The following HIVEP1 variants were observed in gnomAD, a reference collection of about 807,000 sequenced individuals.
The protein encoded by HIVEP1 is zinc finger protein 40.
A neutral mutation model predicts 180.0 loss-of-function variants in HIVEP1; 36 were observed. That is an observed-to-expected ratio of 0.20 (90% CI 0.15 to 0.26). The LOEUF (loss-of-function observed/expected upper bound fraction) is 0.26. HIVEP1 is among the 10% of genes least tolerant of loss of function. The pLI, the probability that HIVEP1 is intolerant of heterozygous loss-of-function variation, is 1.00. For synonymous variants in HIVEP1, 1,239 were observed against 1,239.0 expected, an observed-to-expected ratio of 1.00 and a Z score of 0.00; for missense variants, 3,143 against 3,268.7, an observed-to-expected ratio of 0.96 and a Z score of 0.94.
At chr6:12,171,447 G>C in the HIVEP1 span, among the ~76,000 whole-genome samples, 1 of 152,082 alleles carries the variant, frequency 6.6e-6, no homozygotes, top group Non-Finnish European at 1.5e-5. Flanking sequence ...CGGACTCCAG[G>C]CTTGAACAAG....
intron 2 of HIVEP1, among the ~76,000 whole-genome samples, chr6:12,074,346 C>A (rs1459229531): frequency 6.6e-6 from 1 of 152,014 alleles, no homozygotes; most frequent in East Asian, 1.9e-4. Flanking sequence ...AGATTATATA[C>A]CTACTTTTTA....
chr6:12,114,488 T>C (rs1242646971), intron 3 of HIVEP1, among the ~76,000 whole-genome samples: 1 of 152,134 alleles, frequency 6.6e-6, no homozygotes, highest in African/African-American at 2.4e-5. Context: ...CCCATCCTTC[T>C]CATGTCAGAC....
downstream of HIVEP1, among the ~76,000 whole-genome samples, chr6:12,168,270 ATATATACATATAT>A (rs1760800485): frequency 7.7e-6 from 1 of 130,536 alleles, no homozygotes; most frequent in Non-Finnish European, 1.5e-5. Flanking sequence ...GTATATATAC[ATATATACATATAT>A]TATATACATA....
chr6:12,078,619 AT>A (rs1772537600), intron 2 of HIVEP1, among the ~76,000 whole-genome samples: 2 of 129,580 alleles, frequency 1.5e-5, no homozygotes, highest in Admixed American at 8.3e-5. Context: ...AAAAAAAAAA[AT>A]ACATACATAT....
intron 2 of HIVEP1, among the ~76,000 whole-genome samples, chr6:12,033,924 A>G (rs965431927): frequency 2.2e-4 from 33 of 152,340 alleles, no homozygotes; most frequent in African/African-American, 7.9e-4. Flanking sequence ...TTAGACATAC[A>G]GGAAATCAGG....
rs752541780 is a variant in HIVEP1, at chr6:12,163,584, C to T, written c.7280C>T (p.Thr2427Met). The T allele has an allele frequency of 5.0e-6, 8 of 1,614,174 alleles. No homozygotes were observed. The highest frequency in any genetic ancestry group is 1.7e-5 in the Admixed American group (1 of 60,018). The change falls in exon 9 of 9, where the codon ACG (threonine) becomes ATG (methionine). Residue 2427 changes from threonine (T) to methionine (M), a missense_variant. Around this residue, in one of 12 missense-constraint regions of HIVEP1, gnomAD observed 595 missense variants for 602.2 expected, o/e 0.99. Coordinates refer to ENST00000379388, the MANE Select transcript of HIVEP1 (RefSeq NM_002114.4). ...VPLQAGPVQL[T>M]IPAVSVVHRT... ...CTTCAGGCTGGACCAGTGCAGCTCA[C>T]GATCCCTGCTGTCAGTGTCGTTCAC...
At chr6:12,153,491 T>C (rs1759826418) in intron 7 of HIVEP1, among the ~76,000 whole-genome samples, 1 of 148,982 alleles carries the variant, frequency 6.7e-6, no homozygotes, top group African/African-American at 2.5e-5. Context: ...AGAATGATGC[T>C]AACTTAGGAT....
In HIVEP1 at chr6:12,089,240, A is replaced by G. The variant is rs1174247465; in HGVS notation, c.94+3A>G. 2 of 1,539,758 alleles carry G rather than the reference A, an allele frequency of 1.3e-6. No individual in the cohort carries two copies. The highest frequency in any genetic ancestry group is 1.8e-6 in the Non-Finnish European group (2 of 1,116,200). On this transcript the variant is annotated splice_donor_region_variant and intron_variant, in intron 3 of 8. Transcript: ENST00000379388. ...TGGGGCAGAAGTTTCAAAAAAAGGT[A>G]AATTAAAATCAGCTTGAATGTAAAC...
intron 2 of HIVEP1, among the ~76,000 whole-genome samples, chr6:12,066,571 C>A (rs1771603842): frequency 6.6e-6 from 1 of 152,132 alleles, no homozygotes; most frequent in Non-Finnish European, 1.5e-5. Flanking sequence ...TTGGACTTAG[C>A]CAAGTACTTC....
At chr6:12,132,857 C>A (rs895142244) in intron 6 of HIVEP1, among the ~76,000 whole-genome samples, 6 of 152,056 alleles carry the variant, frequency 3.9e-5, no homozygotes, top group Admixed American at 1.3e-4. Context: ...CTTTTTTTTA[C>A]GGTCAGCTTC....
At position 12,115,350 on chromosome 6, in the gene HIVEP1, CTTTTT is replaced by C. The variant is rs34074662; in HGVS notation, c.95-4517_95-4513del. ...CTTAACTTATACTTCCCCAACTATT[CTTTTT>C]TTTTTTTTTTTTTTTTTTTTTTAAC... On this transcript the variant is annotated intron_variant, in intron 3 of 8. Coordinates refer to ENST00000379388, the MANE Select transcript of HIVEP1 (RefSeq NM_002114.4). Among the ~76,000 whole-genome samples, 665 of 75,286 alleles carry C rather than the reference CTTTTT, an allele frequency of 8.8e-3. 7 individuals carry two copies. The highest frequency in any genetic ancestry group is 0.033 in the African/African-American group (611 of 18,512). The allele number at this position is 75,286 out of a possible 152,430, so 49.4% of individuals were successfully genotyped here.
intron 7 of HIVEP1, among the ~76,000 whole-genome samples, chr6:12,142,269 TG>T (rs1163105883): frequency 6.6e-6 from 1 of 152,202 alleles, no homozygotes; most frequent in African/African-American, 2.4e-5. Context: ...CTGAACAACA[TG>T]CTCCTGAATG....
intron 2 of HIVEP1, among the ~76,000 whole-genome samples, chr6:12,031,001 G>A (rs568070696): frequency 1.4e-4 from 22 of 152,200 alleles, no homozygotes; most frequent in African/African-American, 4.8e-4. Flanking sequence ...GGCTGCTGAT[G>A]GCTCTGCCCA....
the HIVEP1 span, among the ~76,000 whole-genome samples, chr6:12,186,817 A>G: frequency 3.2e-4 from 48 of 152,274 alleles, no homozygotes; most frequent in African/African-American, 1.1e-3. Flanking sequence ...CCAGATGATG[A>G]AATTATGAAA....
chr6:12,167,646 C>CGT (rs1276615154), downstream of HIVEP1, among the ~76,000 whole-genome samples: 71 of 22,042 alleles, frequency 3.2e-3, 2 homozygotes, highest in Admixed American at 8.0e-3. Flanking sequence ...TATACATATA[C>CGT]ATATATATGT....
intron 4 of HIVEP1, among the ~76,000 whole-genome samples, chr6:12,127,764 A>G (rs1034174376): frequency 1.3e-5 from 2 of 152,240 alleles, no homozygotes; most frequent in African/African-American, 4.8e-5. Flanking sequence ...TAGAGGAAGG[A>G]TAAGAATGAG....
intron 8 of HIVEP1, 125 bp downstream of exon 8, chr6:12,162,054 C>A: frequency 1.2e-6 from 1 of 860,494 alleles, no homozygotes; most frequent in Non-Finnish European, 1.8e-6. Flanking sequence ...GTTTGTATAG[C>A]TTTATTTTTT....
At chr6:12,150,956 C>T (rs1759667258) in intron 7 of HIVEP1, among the ~76,000 whole-genome samples, 1 of 152,204 alleles carries the variant, frequency 6.6e-6, no homozygotes, top group African/African-American at 2.4e-5. Flanking sequence ...CAGGTTGCTA[C>T]CCTCGGGAGC....
chr6:12,136,500 A>G (rs1015912852), intron 7 of HIVEP1, among the ~76,000 whole-genome samples: 1 of 152,160 alleles, frequency 6.6e-6, no homozygotes. Context: ...AGTATTTTAC[A>G]ATTTCCTCCC....
Sources: gnomAD v4.1 joint callset for allele counts (sites outside exome capture counted in the v4.1 genomes callset) on GRCh38, gnomAD v4.1.1 for gene constraint, gnomAD v4.1.1 regional missense constraint, MANE v1.5 for transcripts, NCBI Gene and HGNC (gene_info 2026-07-23, HGNC 2026-07-21) for gene names.